LINC00305: variants seen among roughly 807,000 people sequenced by gnomAD.
The protein encoded by LINC00305 is long independently transcribed non-coding RNA 305.
chr18:64,091,449 T>C (rs1187239161), intron 3 of LINC00305, among the ~76,000 whole-genome samples: 1 of 152,216 alleles, frequency 6.6e-6, no homozygotes, highest in East Asian at 1.9e-4. Context: ...ATAATCATTA[T>C]TTAAAATTTC....
At chr18:64,090,759 A>T (rs1467153095) in intron 3 of LINC00305, among the ~76,000 whole-genome samples, 2 of 152,226 alleles carry the variant, frequency 1.3e-5, no homozygotes, top group Non-Finnish European at 2.9e-5. Context: ...AATGTAAATT[A>T]TCTGCCTGAA....
chr18:64,095,746 A>G (rs1181600834), intron 3 of LINC00305, among the ~76,000 whole-genome samples: 1 of 152,174 alleles, frequency 6.6e-6, no homozygotes, highest in Non-Finnish European at 1.5e-5. Flanking sequence ...GAAATAGCAG[A>G]TAGAATACAT....
At chr18:64,097,656 C>A (rs2051249891) in intron 3 of LINC00305, among the ~76,000 whole-genome samples, 1 of 151,840 alleles carries the variant, frequency 6.6e-6, no homozygotes, top group South Asian at 2.1e-4. Flanking sequence ...AAGAACTACT[C>A]CGCGTGGTCA....
At chr18:64,138,526 TTC>T (rs1175507150) in intron 1 of LINC00305, among the ~76,000 whole-genome samples, 2 of 152,244 alleles carry the variant, frequency 1.3e-5, no homozygotes, top group Non-Finnish European at 1.5e-5. Context: ...TTTCTCAAGT[TTC>T]TGTGTATTTC....
At chr18:64,139,497 T>C (rs2051450986) in intron 1 of LINC00305, 2 of 152,232 alleles carry the variant, frequency 1.3e-5, no homozygotes, top group Admixed American at 1.3e-4. Context: ...ATTTGTTTAA[T>C]TGAACACATC....
At chr18:64,092,541 GAC>G (rs1038927609) in intron 3 of LINC00305, among the ~76,000 whole-genome samples, 2 of 152,208 alleles carry the variant, frequency 1.3e-5, no homozygotes, top group African/African-American at 2.4e-5. Context: ...TAGTCTGAGT[GAC>G]AGAATGAGAC....
At position 64,138,931 on chromosome 18, in the gene LINC00305, C is replaced by T. The variant is rs1030968855; in HGVS notation, n.314+9844G>A. 7.9e-5 allele frequency among the ~76,000 whole-genome samples: 12 copies of T among 152,080 alleles called. No homozygotes were observed. The South Asian group carries it at 1.7e-3, about 21-fold the overall frequency. ...ATCCAAATGAATCAAAGAGTATGTG[C>T]GGGGCACAGCCGATAACCAGTGCAT... On this transcript the variant is annotated intron_variant and non_coding_transcript_variant, in intron 1 of 3. Transcript: ENST00000666468.
intron 1 of LINC00305, among the ~76,000 whole-genome samples, chr18:64,106,497 A>G (rs1364839490): frequency 6.6e-6 from 1 of 152,058 alleles, no homozygotes; most frequent in Non-Finnish European, 1.5e-5. Flanking sequence ...CCCTCTGCCC[A>G]TTCCTCTTTC....
intron 3 of LINC00305, among the ~76,000 whole-genome samples, chr18:64,096,878 AAGTT>A (rs1156594990): frequency 6.6e-6 from 1 of 151,980 alleles, no homozygotes; most frequent in African/African-American, 2.4e-5. Flanking sequence ...AATGAACACA[AAGTT>A]AGTTTACAGA....
chr18:64,119,223 A>G (rs772497111), intron 1 of LINC00305, among the ~76,000 whole-genome samples: 10 of 152,190 alleles, frequency 6.6e-5, no homozygotes, highest in Non-Finnish European at 1.3e-4. Context: ...TGGGATTTTC[A>G]GTGAGCACTG....
chr18:64,110,721 G>T (rs762829650), intron 1 of LINC00305, among the ~76,000 whole-genome samples: 5 of 152,134 alleles, frequency 3.3e-5, no homozygotes, highest in Non-Finnish European at 5.9e-5. Context: ...AGTTTAAAAA[G>T]ATCTCTGCTG....
rs544569631 is a variant in LINC00305 at position 64,089,624 on chromosome 18, G to A, written n.540+8210C>T. 1.4e-3 allele frequency among the ~76,000 whole-genome samples: 215 copies of A among 152,314 alleles called. 3 individuals carry two copies. Among genetic ancestry groups the A allele is most frequent in the African/African-American group, 5.0e-3 (208 of 41,558 alleles). ...AAATGAGTTGTCCTGGATTGTGCCT[G>A]TATTAGTCCATTTTCACATTGCTGA... On this transcript the variant is annotated intron_variant and non_coding_transcript_variant, in intron 3 of 3. Coordinates refer to ENST00000666468, the Ensembl canonical transcript of LINC00305.
chr18:64,087,983 C>T (rs141408188), intron 3 of LINC00305, among the ~76,000 whole-genome samples: 4,596 of 152,004 alleles, frequency 0.03, 149 homozygotes, highest in Admixed American at 0.1. Context: ...ATTAGCCAGG[C>T]GTGGTGGCGG....
chr18:64,143,557 TGTACATATATAC>T (rs2051475996), intron 1 of LINC00305, among the ~76,000 whole-genome samples: 1 of 18,286 alleles, frequency 5.5e-5, no homozygotes, highest in Non-Finnish European at 1.1e-4. Context: ...ACATATTATG[TGTACATATATAC>T]ACATATGTAT....
intron 1 of LINC00305, among the ~76,000 whole-genome samples, chr18:64,132,667 A>G (rs181170741): frequency 1.4e-4 from 22 of 152,286 alleles, no homozygotes; most frequent in Middle Eastern, 3.4e-3. Flanking sequence ...TCCATAGTGT[A>G]TGAGTTTAGC....
intron 1 of LINC00305, among the ~76,000 whole-genome samples, chr18:64,142,869 G>A (rs900152628): frequency 2.0e-5 from 3 of 152,068 alleles, no homozygotes; most frequent in African/African-American, 2.4e-5. Context: ...ATAGAATAAC[G>A]CCAATCACTC....
chr18:64,130,398 T>C (rs2051404176), intron 1 of LINC00305, among the ~76,000 whole-genome samples: 1 of 152,188 alleles, frequency 6.6e-6, no homozygotes, highest in Admixed American at 6.6e-5. Flanking sequence ...TTTTAAGTTC[T>C]GCCATTCTGC....
At chr18:64,111,641 T>TG (rs5825554) in intron 1 of LINC00305, among the ~76,000 whole-genome samples, 69,068 of 151,964 alleles carry the variant, frequency 0.45, 16,695 homozygotes, top group African/African-American at 0.61. Context: ...TGTTACCGTG[T>TG]ATGCTGCCTG....
intron 1 of LINC00305, among the ~76,000 whole-genome samples, chr18:64,130,490 C>T (rs930785864): frequency 1.2e-4 from 18 of 150,722 alleles, no homozygotes; most frequent in Non-Finnish European, 2.6e-4. Context: ...ACTTACTGTG[C>T]GCCAAACACA....
Sources: gnomAD v4.1 joint callset for allele counts (sites outside exome capture counted in the v4.1 genomes callset) on GRCh38, gnomAD v4.1.1 for gene constraint, MANE v1.5 for transcripts, NCBI Gene and HGNC (gene_info 2026-07-23, HGNC 2026-07-21) for gene names.